The following POLD3 variants were observed in gnomAD, a reference collection of about 807,000 sequenced individuals.
POLD3 encodes the protein DNA polymerase delta 3, accessory subunit.
POLD3 carries 19 observed loss-of-function variants against 58.2 expected under a neutral mutation model. The observed-to-expected ratio is 0.33, with a 90% CI of 0.23 to 0.48. The LOEUF (loss-of-function observed/expected upper bound fraction) is 0.48, where lower values mean the gene tolerates loss of function less well. Ranked by LOEUF, POLD3 falls within the 20% of genes least tolerant of loss-of-function variation. The pLI is 0.99. For synonymous variants in POLD3, 172 were observed against 193.5 expected, an observed-to-expected ratio of 0.89 and a Z score of 0.92; for missense variants, 504 against 545.5, an observed-to-expected ratio of 0.92 and a Z score of 0.76.
At chr11:74,609,319 G>A (rs1297152663) in intron 3 of POLD3, among the ~76,000 whole-genome samples, 3 of 129,874 alleles carry the variant, frequency 2.3e-5, no homozygotes, top group Non-Finnish European at 4.7e-5. Context: ...GTTACATTGA[G>A]TTTGCCTTCT....
At chr11:74,658,665 A>G (rs2033166801) in intron 4 of POLD3, among the ~76,000 whole-genome samples, 1 of 152,230 alleles carries the variant, frequency 6.6e-6, no homozygotes, top group African/African-American at 2.4e-5. Flanking sequence ...AAGGGGTTAC[A>G]GGGTTCTTGC....
chr11:74,640,734 G>A lies in POLD3; in HGVS notation c.1369G>A (p.Val457Met), dbSNP rs201676741. The A allele has an allele frequency of 2.5e-6, 4 of 1,606,568 alleles. No individual in the cohort carries two copies. The highest frequency in any genetic ancestry group is 1.1e-5 in the South Asian group (1 of 89,650). ...TAALGKANRQ[V>M]SITGFFQRK is the part of the protein sequence containing the mutation. ...TGCTCTGGGCAAAGCCAACAGACAG[G>A]TGTCCATTACTGGCTTCTTCCAGAG... The change falls in exon 12 of 12, where the codon GTG (valine) becomes ATG (methionine). Residue 457 changes from valine to methionine, a missense_variant. By Grantham distance (21) the Val-to-Met change is conservative. Around this residue, in one of 2 missense-constraint regions of POLD3, gnomAD observed 385 missense variants for 370.5 expected, o/e 1.04. Transcript: ENST00000263681.
chr11:74,597,920 T>G (rs2031335630), intron 2 of POLD3, among the ~76,000 whole-genome samples: 2 of 152,100 alleles, frequency 1.3e-5, no homozygotes, highest in Admixed American at 1.3e-4. Context: ...TATAAAAAGT[T>G]TTTTTAAAAC....
At chr11:74,643,612 T>C (rs1011549087), downstream of POLD3, among the ~76,000 whole-genome samples, 1 of 152,178 alleles carries the variant, frequency 6.6e-6, no homozygotes, top group African/African-American at 2.4e-5. Flanking sequence ...GAAATGACTT[T>C]CCAGGCAGAG....
chr11:74,608,433 T>C (rs1010477378), intron 3 of POLD3, among the ~76,000 whole-genome samples: 4 of 152,198 alleles, frequency 2.6e-5, no homozygotes, highest in African/African-American at 9.7e-5. Flanking sequence ...TCTGTTTTTT[T>C]AGCTGTAATT....
chr11:74,593,851 T>C (rs1565108081), intron 1 of POLD3, among the ~76,000 whole-genome samples: 1 of 152,236 alleles, frequency 6.6e-6, no homozygotes, highest in Non-Finnish European at 1.5e-5. Context: ...TACTTTTCAT[T>C]AGTTCATGAA....
intron 6 of POLD3, 50 bp from the exon 7 acceptor site, chr11:74,619,967 G>T (rs753792431): frequency 7.0e-7 from 1 of 1,432,138 alleles, no homozygotes; most frequent in South Asian, 1.1e-5. Context: ...GCTACTTCAT[G>T]AACAGCCTAA....
intron 10 of POLD3, 116 bp downstream of exon 10, chr11:74,634,811 T>C (rs1426886545): frequency 4.6e-6 from 3 of 658,716 alleles, no homozygotes; most frequent in East Asian, 2.8e-5. Context: ...AGTAGATGGC[T>C]CTTGTCTCAT....
intron 2 of POLD3, among the ~76,000 whole-genome samples, chr11:74,596,320 A>G (rs2031254553): frequency 6.6e-6 from 1 of 150,686 alleles, no homozygotes; most frequent in Non-Finnish European, 1.5e-5. Flanking sequence ...GGTAGCTGGG[A>G]CTACAGGCAT....
chr11:74,641,209 C>T lies in POLD3; in HGVS notation c.*443C>T, dbSNP rs2032904855. 1.0e-6 allele frequency: 1 copy of T among 985,386 alleles called. No individual in the cohort carries two copies. 61.0% of individuals were successfully genotyped at this position (985,386 alleles called of 1,614,324 possible). Reference sequence around the variant, plus strand: ...CTTACATTCTGCTGGATACGTTTACCCCTCTTGTCTTCCTGCAGTACCACA... The same window carrying T: ...CTTACATTCTGCTGGATACGTTTACTCCTCTTGTCTTCCTGCAGTACCACA... On this transcript the variant is annotated 3_prime_UTR_variant, in exon 12 of 12. Coordinates refer to ENST00000263681, the MANE Select transcript of POLD3 (RefSeq NM_006591.3).
chr11:74,641,683 T>G lies in POLD3; in HGVS notation c.*917T>G. ...CCTTCCTATATACAGTGTGCTACAT[T>G]TACAAAAAATTTCTCCTTAAGAAAA... On this transcript the variant is annotated 3_prime_UTR_variant, in exon 12 of 12. Transcript: ENST00000263681. The G allele has an allele frequency of 1.0e-6, 1 of 985,110 alleles. No homozygotes were observed. Among genetic ancestry groups the G allele is most frequent in the Non-Finnish European group, 1.2e-6 (1 of 829,732 alleles). 61.0% of individuals were successfully genotyped at this position (985,110 alleles called of 1,614,324 possible). A position where few individuals can be genotyped will look rare whatever the true frequency, so the allele number is the denominator to read the frequency against.
At chr11:74,602,549 C>T (rs191421458) in intron 2 of POLD3, among the ~76,000 whole-genome samples, 42 of 152,306 alleles carry the variant, frequency 2.8e-4, no homozygotes, top group Middle Eastern at 3.4e-3. Context: ...TAATTACTAC[C>T]TGCACTGCTA....
intron 4 of POLD3, among the ~76,000 whole-genome samples, chr11:74,668,603 G>A (rs2033300524): frequency 6.6e-6 from 1 of 152,096 alleles, no homozygotes; most frequent in East Asian, 1.9e-4. Flanking sequence ...TTTAGAAGGT[G>A]AAGGAAAAAT....
intron 7 of POLD3, among the ~76,000 whole-genome samples, chr11:74,621,233 T>C (rs2032245700): frequency 6.6e-6 from 1 of 152,124 alleles, no homozygotes; most frequent in Admixed American, 6.5e-5. Flanking sequence ...GCAAGCGTTA[T>C]TATGCCTGAA....
chr11:74,655,864 A>G (rs7933770), intron 4 of POLD3, among the ~76,000 whole-genome samples: 124,492 of 152,122 alleles, frequency 0.82, 51,122 homozygotes, highest in Middle Eastern at 0.94. Context: ...AGCAAATGCA[A>G]TAAGATGAGA....
At position 74,641,536 on chromosome 11, in the gene POLD3, G is replaced by A. The variant is rs1333679863; in HGVS notation, c.*770G>A. The A allele has an allele frequency of 1.1e-5, 11 of 985,284 alleles. No homozygotes were observed. Among genetic ancestry groups the A allele is most frequent in the East Asian group, 1.1e-4 (1 of 8,830 alleles). 61.0% of individuals were successfully genotyped at this position (985,284 alleles called of 1,614,324 possible). ...CATTGACGATATTGGAGGAGCTGCCGTGCTGCTGATACGGGGTGTGCTTTA... is the reference window on the plus strand; with the variant it reads ...CATTGACGATATTGGAGGAGCTGCCATGCTGCTGATACGGGGTGTGCTTTA... On this transcript the variant is annotated 3_prime_UTR_variant, in exon 12 of 12. Coordinates refer to ENST00000263681, the MANE Select transcript of POLD3 (RefSeq NM_006591.3).
intron 9 of POLD3, among the ~76,000 whole-genome samples, chr11:74,634,296 A>C (rs954113155): frequency 6.6e-6 from 1 of 152,256 alleles, no homozygotes; most frequent in Non-Finnish European, 1.5e-5. Context: ...AAAGGCGATA[A>C]GTGGATATTT....
intron 11 of POLD3, among the ~76,000 whole-genome samples, chr11:74,640,004 C>T (rs546204809): frequency 5.5e-4 from 83 of 152,276 alleles, no homozygotes; most frequent in African/African-American, 1.9e-3. Context: ...ATCTTCAATT[C>T]TCTGTACCTA....
At chr11:74,610,043 T>TGA (rs903073044) in intron 3 of POLD3, among the ~76,000 whole-genome samples, 7 of 152,180 alleles carry the variant, frequency 4.6e-5, no homozygotes, top group Admixed American at 1.3e-4. Flanking sequence ...GGTCAAAGGG[T>TGA]GAGTGCATGT....
Sources: gnomAD v4.1 joint callset for allele counts (sites outside exome capture counted in the v4.1 genomes callset) on GRCh38, gnomAD v4.1.1 for gene constraint, gnomAD v4.1.1 regional missense constraint, MANE v1.5 for transcripts, NCBI Gene and HGNC (gene_info 2026-07-23, HGNC 2026-07-21) for gene names.